ACOT12: variants seen among roughly 807,000 people sequenced by gnomAD.
ACOT12 encodes the protein acyl-CoA thioesterase 12, also known as acetyl-coenzyme A thioesterase.
In ACOT12, 51 loss-of-function variants were observed where a neutral mutation model predicts 67.7. That is an observed-to-expected ratio of 0.75 (90% CI 0.60 to 0.95). The LOEUF is 0.95. Among genes scored for constraint, ACOT12 ranks in the 40% least tolerant of loss-of-function variants. The pLI is 0.00. For missense variants in ACOT12, 734 were observed against 708.1 expected, an observed-to-expected ratio of 1.04 and a Z score of -0.41; for synonymous variants, 251 against 244.6, an observed-to-expected ratio of 1.03 and a Z score of -0.24.
At chr5:81,393,967 G>A in intron 1 of ACOT12, 21 bp downstream of exon 1, 2 of 1,317,584 alleles carry the variant, frequency 1.5e-6, no homozygotes, top group Non-Finnish European at 1.9e-6. Flanking sequence ...GCGCCTCCCC[G>A]CAGCCCCGGC....
chr5:81,322,938 T>G, the ACOT12 span, among the ~76,000 whole-genome samples: 1 of 152,022 alleles, frequency 6.6e-6, no homozygotes, highest in African/African-American at 2.4e-5. Context: ...GTCCTGCCCT[T>G]GACATGTGGG....
At chr5:81,369,956 G>A (rs1760196031) in intron 3 of ACOT12, among the ~76,000 whole-genome samples, 1 of 152,140 alleles carries the variant, frequency 6.6e-6, no homozygotes, top group South Asian at 2.1e-4. Flanking sequence ...CAAGTGCTTT[G>A]TATTCTGCTT....
chr5:81,336,905 G>A (rs1759021476), intron 11 of ACOT12, among the ~76,000 whole-genome samples: 1 of 152,160 alleles, frequency 6.6e-6, no homozygotes, highest in South Asian at 2.1e-4. Flanking sequence ...AAGCTGCTCA[G>A]AAAGGAAACA....
At chr5:81,389,146 T>A (rs1760802947) in intron 1 of ACOT12, among the ~76,000 whole-genome samples, 1 of 152,116 alleles carries the variant, frequency 6.6e-6, no homozygotes, top group Non-Finnish European at 1.5e-5. Context: ...ACTGAGATAA[T>A]ACACTAGGTG....
the ACOT12 span, among the ~76,000 whole-genome samples, chr5:81,315,783 G>A: frequency 1.3e-5 from 2 of 152,156 alleles, no homozygotes; most frequent in Admixed American, 1.3e-4. Context: ...GCCTAGAGAA[G>A]GGCCACATCA....
At chr5:81,349,654 G>A (rs1463141375) in intron 5 of ACOT12, among the ~76,000 whole-genome samples, 1 of 152,012 alleles carries the variant, frequency 6.6e-6, no homozygotes, top group African/African-American at 2.4e-5. Context: ...TTATTTGTGT[G>A]CCCTTTTATT....
chr5:81,308,656 T>C, the ACOT12 span: 1 of 1,613,958 alleles, frequency 6.2e-7, no homozygotes, highest in Middle Eastern at 1.7e-4. Context: ...GTTACAGGTG[T>C]GGGTCCACAG....
At chr5:81,357,198 G>A (rs1039623217) in intron 5 of ACOT12, among the ~76,000 whole-genome samples, 3 of 152,000 alleles carry the variant, frequency 2.0e-5, no homozygotes, top group Non-Finnish European at 2.9e-5. Context: ...ACCCTGAAGG[G>A]CCCTTCCTCT....
chr5:81,357,345 T>C (rs1013258631), intron 5 of ACOT12, among the ~76,000 whole-genome samples: 3 of 152,070 alleles, frequency 2.0e-5, no homozygotes, highest in African/African-American at 7.2e-5. Flanking sequence ...TCTTTATACC[T>C]CTAGTGGCAA....
chr5:81,393,620 G>A (rs1760919673), intron 1 of ACOT12, among the ~76,000 whole-genome samples: 1 of 152,118 alleles, frequency 6.6e-6, no homozygotes, highest in African/African-American at 2.4e-5. Flanking sequence ...TGGAGGCTGA[G>A]GTGGGAGGAT....
At chr5:81,336,446 A>G (rs1303123807) in intron 11 of ACOT12, among the ~76,000 whole-genome samples, 2 of 152,160 alleles carry the variant, frequency 1.3e-5, no homozygotes, top group Non-Finnish European at 2.9e-5. Flanking sequence ...CTCAGCACGA[A>G]GCACCCTTTC....
intron 11 of ACOT12, among the ~76,000 whole-genome samples, chr5:81,338,610 G>A (rs968431388): frequency 1.3e-5 from 2 of 152,120 alleles, no homozygotes; most frequent in Non-Finnish European, 2.9e-5. Context: ...GTTCTTTATA[G>A]CAATGTGAGG....
intron 5 of ACOT12, among the ~76,000 whole-genome samples, chr5:81,359,551 G>A (rs575735238): frequency 1.4e-4 from 22 of 152,308 alleles, no homozygotes; most frequent in Non-Finnish European, 2.8e-4. Flanking sequence ...AACCGTGGAC[G>A]AGAAACTGCT....
rs1296841545 is a variant in ACOT12, at chr5:81,344,751, G to A, written c.924+140C>T. The A allele has an allele frequency of 2.8e-6, 3 of 1,073,688 alleles. No homozygotes were observed. In the African/African-American group the frequency reaches 4.8e-5, roughly 17 times the overall value. 66.5% of individuals were successfully genotyped at this position (1,073,688 alleles called of 1,614,324 possible). A position where few individuals can be genotyped will look rare whatever the true frequency, so the allele number is the denominator to read the frequency against. Reference sequence around the variant, plus strand: ...TCGGGGGGAAAAGGAAAAGAAAAAAGCCCACTTCACTTTGTGATGCTGAAA... The same window carrying A: ...TCGGGGGGAAAAGGAAAAGAAAAAAACCCACTTCACTTTGTGATGCTGAAA... On this transcript the variant is annotated intron_variant, in intron 8 of 14. Coordinates refer to ENST00000307624, the MANE Select transcript of ACOT12 (RefSeq NM_130767.3).
At chr5:81,331,306 GGC>G (rs1758817721) in intron 13 of ACOT12, among the ~76,000 whole-genome samples, 1 of 152,218 alleles carries the variant, frequency 6.6e-6, no homozygotes, top group African/African-American at 2.4e-5. Flanking sequence ...GGGAGGCTGA[GGC>G]AGGCAGATCA....
chr5:81,360,989 A>C (rs1434958206), intron 4 of ACOT12, among the ~76,000 whole-genome samples: 1 of 151,290 alleles, frequency 6.6e-6, no homozygotes, highest in African/African-American at 2.4e-5. Flanking sequence ...GAGGCACAAG[A>C]ATCGCTTGAA....
intron 3 of ACOT12, among the ~76,000 whole-genome samples, chr5:81,371,250 T>G (rs1274998962): frequency 6.6e-6 from 1 of 152,114 alleles, no homozygotes; most frequent in Non-Finnish European, 1.5e-5. Flanking sequence ...GTTGGTTTTT[T>G]TTGTTGTTGT....
intron 2 of ACOT12, among the ~76,000 whole-genome samples, chr5:81,382,042 T>C (rs1760597594): frequency 6.6e-6 from 1 of 152,194 alleles, no homozygotes; most frequent in Non-Finnish European, 1.5e-5. Context: ...TACATATTAA[T>C]TTCAATCAAA....
At position 81,372,306 on chromosome 5, in the gene ACOT12, C is replaced by T. The variant is rs9885322; in HGVS notation, c.198-496G>A. Among the ~76,000 whole-genome samples, 1,230 of 152,250 alleles carry T rather than the reference C, an allele frequency of 8.1e-3. 22 individuals carry two copies. Among genetic ancestry groups the T allele is most frequent in the African/African-American group, 0.028 (1,165 of 41,538 alleles). Reference sequence around the variant, plus strand: ...TCACTTCCTACTATTATTGAAACTTCGATCATGTAACCTGAAGTTGTTCCA... The same window carrying T: ...TCACTTCCTACTATTATTGAAACTTTGATCATGTAACCTGAAGTTGTTCCA... On this transcript the variant is annotated intron_variant, in intron 2 of 14. Coordinates refer to ENST00000307624, the MANE Select transcript of ACOT12 (RefSeq NM_130767.3).
Sources: gnomAD v4.1 joint callset for allele counts (sites outside exome capture counted in the v4.1 genomes callset) on GRCh38, gnomAD v4.1.1 for gene constraint, MANE v1.5 for transcripts, NCBI Gene and HGNC (gene_info 2026-07-23, HGNC 2026-07-21) for gene names.